Variants in TDRD5 observed in about 807,000 individuals in gnomAD.
TDRD5 encodes the protein tudor domain-containing protein 5.
A neutral mutation model predicts 120.6 loss-of-function variants in TDRD5; 41 were observed. That is an observed-to-expected ratio of 0.34 (90% CI 0.26 to 0.44). TDRD5 has a LOEUF of 0.44. Ranked by LOEUF, TDRD5 falls within the 20% of genes least tolerant of loss-of-function variation. The pLI is 1.00. For missense variants in TDRD5, 1,006 were observed against 1,221.2 expected, an observed-to-expected ratio of 0.82 and a Z score of 2.63; for synonymous variants, 430 against 433.7, an observed-to-expected ratio of 0.99 and a Z score of 0.11.
At chr1:179,678,681 T>C (rs1044338961) in intron 17 of TDRD5, among the ~76,000 whole-genome samples, 9 of 152,272 alleles carry the variant, frequency 5.9e-5, no homozygotes, top group African/African-American at 2.2e-4. Flanking sequence ...TACTGTTGAA[T>C]AAATGGCATT....
In TDRD5 at chr1:179,650,992, C is replaced by A. The variant is rs755524157; in HGVS notation, c.1926C>A (p.Asn642Lys). 1.9e-6 allele frequency: 3 copies of A among 1,613,928 alleles called. No individual in the cohort carries two copies. The highest frequency in any genetic ancestry group is 1.7e-6 in the Non-Finnish European group (2 of 1,180,008). Residue 642 changes from asparagine to lysine, a missense_variant, in exon 12 of 18, where the codon AAC becomes AAA. Physicochemically the swap from Asn to Lys is moderately conservative, Grantham distance 94. This residue lies in a region of TDRD5 where 158 missense variants were observed against 257.5 expected (regional missense o/e 0.61). Transcript: ENST00000444136. Reference protein sequence around the residue: ...LNIFLCDTSSNEDVYFHHVLR... With the variant: ...LNIFLCDTSSKEDVYFHHVLR... ...TTTTTTTGTGTGACACATCCTCAAA[C>A]GAAGATGTCTATTTCCATCATGTCT...
intron 17 of TDRD5, among the ~76,000 whole-genome samples, chr1:179,683,082 G>A (rs1680518039): frequency 1.3e-5 from 2 of 151,458 alleles, no homozygotes; most frequent in African/African-American, 4.9e-5. Context: ...TAGATGACTG[G>A]CCTTTCTGAG....
At chr1:179,598,395 C>T (rs1675521527) in intron 4 of TDRD5, among the ~76,000 whole-genome samples, 1 of 152,056 alleles carries the variant, frequency 6.6e-6, no homozygotes, top group Non-Finnish European at 1.5e-5. Flanking sequence ...CAGTTTCTGC[C>T]AGAAATAAAT....
intron 7 of TDRD5, among the ~76,000 whole-genome samples, chr1:179,631,523 A>T (rs973993653): frequency 6.6e-6 from 1 of 152,230 alleles, no homozygotes; most frequent in African/African-American, 2.4e-5. Context: ...GCTTTTTAGA[A>T]ATATATGGAG....
At chr1:179,652,568 G>A (rs2102067064) in intron 13 of TDRD5, among the ~76,000 whole-genome samples, 1 of 152,186 alleles carries the variant, frequency 6.6e-6, no homozygotes, top group East Asian at 1.9e-4. Context: ...ATGTTATTAT[G>A]TATTTTTTCC....
intron 17 of TDRD5, among the ~76,000 whole-genome samples, chr1:179,685,980 A>G (rs1037253902): frequency 1.2e-4 from 18 of 152,210 alleles, no homozygotes; most frequent in Admixed American, 8.5e-4. Flanking sequence ...CAATCTTGTC[A>G]TCTGCAAACA....
At chr1:179,687,414 G>A (rs1558433094) in intron 17 of TDRD5, among the ~76,000 whole-genome samples, 1 of 152,176 alleles carries the variant, frequency 6.6e-6, no homozygotes, top group South Asian at 2.1e-4. Flanking sequence ...GGCACAGTTT[G>A]TTATAATTTC....
chr1:179,618,510 G>T, intron 4 of TDRD5, 89 bp from the exon 5 acceptor site: 1 of 864,436 alleles, frequency 1.2e-6, no homozygotes, highest in Non-Finnish European at 1.7e-6. Flanking sequence ...TCCTTTTATA[G>T]ATTTTTTCTT....
intron 4 of TDRD5, among the ~76,000 whole-genome samples, chr1:179,602,651 T>C (rs1344401954): frequency 6.6e-6 from 1 of 152,300 alleles, no homozygotes; most frequent in Non-Finnish European, 1.5e-5. Flanking sequence ...CCCCACTTTA[T>C]ATTTTTGTTT....
intron 16 of TDRD5, among the ~76,000 whole-genome samples, chr1:179,664,255 A>T (rs1286959038): frequency 6.6e-6 from 1 of 152,174 alleles, no homozygotes; most frequent in Non-Finnish European, 1.5e-5. Context: ...TAGTTTCAGG[A>T]TAAAGTAGGC....
intron 6 of TDRD5, among the ~76,000 whole-genome samples, chr1:179,621,794 A>G (rs113107352): frequency 4.1e-3 from 622 of 152,306 alleles, no homozygotes; most frequent in Non-Finnish European, 6.1e-3. Flanking sequence ...GCCAGGCTCT[A>G]TCCAGAGCAT....
intron 4 of TDRD5, among the ~76,000 whole-genome samples, chr1:179,607,150 TA>T (rs913795012): frequency 3.3e-5 from 5 of 152,052 alleles, no homozygotes; most frequent in South Asian, 2.1e-4. Flanking sequence ...ATCTTGTACA[TA>T]TTTTTTTAGA....
chr1:179,592,502 A>T, intron 1 of TDRD5, 100 bp from the exon 2 acceptor site: 1 of 940,984 alleles, frequency 1.1e-6, no homozygotes, highest in Non-Finnish European at 1.6e-6. Context: ...TATTACCCTT[A>T]AAACTGGAGT....
At chr1:179,642,045 A>G (rs1297957307) in intron 11 of TDRD5, among the ~76,000 whole-genome samples, 1 of 151,344 alleles carries the variant, frequency 6.6e-6, no homozygotes, top group African/African-American at 2.4e-5. Flanking sequence ...TATCAGCCAG[A>G]TAGCTTCCAT....
rs116602339 is a variant in TDRD5, at chr1:179,669,373, G to T, written c.2829G>T (p.Val943=). The change falls in exon 17 of 18, where the codon GTG becomes GTT. Residue 943 remains valine, a synonymous_variant. Coordinates refer to ENST00000444136, the MANE Select transcript of TDRD5 (RefSeq NM_001199085.3). ...CAGCACCCTGTTCAACAACTGCAGT[G>T]GATGATTCCGCAGAAAAGCCCTCTG... ...STAAPCSTTA[V]DDSAEKPSGS... is the part of the protein sequence containing the mutation. 4.6e-4 allele frequency: 735 copies of T among 1,614,166 alleles called. 11 individuals are homozygous for T. The African/African-American group carries it at 8.3e-3, about 18-fold the overall frequency.
chr1:179,691,015 G>A lies in TDRD5; in HGVS notation c.*72G>A. ...TTGATGAACTCCCAGGCCAAAATGA[G>A]GAGTTATTGAAGCAAAATAGTATCT... On this transcript the variant is annotated 3_prime_UTR_variant, in exon 18 of 18. Transcript: ENST00000444136. The A allele has an allele frequency of 6.5e-7, 1 of 1,529,550 alleles. No individual in the cohort carries two copies. Among genetic ancestry groups the A allele is most frequent in the Non-Finnish European group, 8.7e-7 (1 of 1,145,768 alleles). The allele number at this position is 1,529,550 out of a possible 1,614,324, so 94.7% of individuals were successfully genotyped here.
intron 11 of TDRD5, among the ~76,000 whole-genome samples, chr1:179,644,648 T>A (rs759847303): frequency 2.1e-4 from 32 of 152,142 alleles, no homozygotes; most frequent in African/African-American, 6.3e-4. Context: ...TGGCGTAAAT[T>A]GCCCATAATT....
At chr1:179,651,731 G>GT (rs1279368809) in intron 12 of TDRD5, among the ~76,000 whole-genome samples, 2 of 152,096 alleles carry the variant, frequency 1.3e-5, no homozygotes, top group African/African-American at 4.8e-5. Context: ...GGCTAACACA[G>GT]TGAAACCTCG....
chr1:179,679,588 T>G lies in TDRD5; in HGVS notation c.2860+10184T>G, dbSNP rs75748013. 8.1e-3 allele frequency among the ~76,000 whole-genome samples: 1,226 copies of G among 152,228 alleles called. 16 individuals carry two copies. Among genetic ancestry groups the G allele is most frequent in the African/African-American group, 0.028 (1,173 of 41,552 alleles). On this transcript the variant is annotated intron_variant, in intron 17 of 17. Transcript: ENST00000444136. ...GATCAATTTCTTCTCAAGTAAACTT[T>G]GGTAGTTTTGTCTTTCAAGGAATTT... is the stretch of plus-strand genomic sequence containing the variant.
Sources: gnomAD v4.1 joint callset for allele counts (sites outside exome capture counted in the v4.1 genomes callset) on GRCh38, gnomAD v4.1.1 for gene constraint, gnomAD v4.1.1 regional missense constraint, MANE v1.5 for transcripts, NCBI Gene and HGNC (gene_info 2026-07-23, HGNC 2026-07-21) for gene names.